COA1: variants seen among roughly 807,000 people sequenced by gnomAD.
COA1 encodes cytochrome c oxidase assembly factor 1.
COA1 carries 13 observed loss-of-function variants against 16.0 expected under a neutral mutation model. The observed-to-expected ratio is 0.81, with a 90% CI of 0.53 to 1.29. The LOEUF is 1.29. COA1 is among the 50% of genes most tolerant of loss of function. COA1 has a pLI of 0.00. For synonymous variants in COA1, 65 were observed against 65.7 expected (o/e 0.99, Z 0.05); for missense variants, 179 against 177.0 (o/e 1.01, Z -0.06).
chr7:43,627,043 A>G (rs2084630874), intron 6 of COA1, among the ~76,000 whole-genome samples: 2 of 152,214 alleles, frequency 1.3e-5, no homozygotes, highest in Non-Finnish European at 2.9e-5. Context: ...TAAAGCTGTT[A>G]ATGTTCCTTT....
At chr7:43,674,817 C>T (rs565781088) in intron 1 of COA1, among the ~76,000 whole-genome samples, 180 of 152,264 alleles carry the variant, frequency 1.2e-3, no homozygotes, top group African/African-American at 4.2e-3. Context: ...TATAACTACT[C>T]TTATTCAAAC....
chr7:43,691,389 A>G (rs1390608047), intron 1 of COA1, among the ~76,000 whole-genome samples: 8 of 106,326 alleles, frequency 7.5e-5, no homozygotes, highest in East Asian at 3.5e-4. Context: ...GGAAGGAAGG[A>G]AGGAAGGAAG....
At chr7:43,614,350 G>A (rs1348468288) in intron 6 of COA1, among the ~76,000 whole-genome samples, 1 of 152,054 alleles carries the variant, frequency 6.6e-6, no homozygotes, top group East Asian at 1.9e-4. Context: ...CTTACTACCT[G>A]GGATTCATAT....
intron 1 of COA1, among the ~76,000 whole-genome samples, chr7:43,695,165 CCT>C (rs1167738120): frequency 6.6e-6 from 1 of 150,750 alleles, no homozygotes; most frequent in East Asian, 1.9e-4. Context: ...CTTACAGTCC[CCT>C]CTCAACAGAG....
chr7:43,623,940 T>C, intron 6 of COA1: 1 of 1,259,194 alleles, frequency 7.9e-7, no homozygotes, highest in Non-Finnish European at 1.0e-6. Flanking sequence ...TATTAAAAAA[T>C]TCAGTATTAA....
At chr7:43,648,710 G>C in intron 1 of COA1, 58 bp from the exon 2 acceptor site, 2 of 1,262,810 alleles carry the variant, frequency 1.6e-6, no homozygotes, top group Non-Finnish European at 2.3e-6. Flanking sequence ...GTTCTCTCTA[G>C]TCTCATACAG....
At chr7:43,688,426 AC>A (rs1441353980) in intron 1 of COA1, among the ~76,000 whole-genome samples, 1 of 152,166 alleles carries the variant, frequency 6.6e-6, no homozygotes, top group African/African-American at 2.4e-5. Context: ...AGTATTATGT[AC>A]CCTCAGAAGC....
intron 1 of COA1, among the ~76,000 whole-genome samples, chr7:43,672,000 A>G (rs1432252200): frequency 6.6e-6 from 1 of 152,166 alleles, no homozygotes; most frequent in Non-Finnish European, 1.5e-5. Flanking sequence ...TCATAGCAGC[A>G]TGAGAACAGA....
chr7:43,701,002 A>G (rs1278926943), intron 1 of COA1, among the ~76,000 whole-genome samples: 10 of 144,686 alleles, frequency 6.9e-5, no homozygotes, highest in African/African-American at 2.4e-4. Flanking sequence ...AACAAAACCA[A>G]AAAGTTTTTG....
intron 1 of COA1, among the ~76,000 whole-genome samples, chr7:43,710,283 A>T (rs1275468987): frequency 1.5e-5 from 2 of 136,158 alleles, no homozygotes; most frequent in South Asian, 5.0e-4. Flanking sequence ...TGGGAGGAGG[A>T]GGTTGCCATG....
intron 4 of COA1, among the ~76,000 whole-genome samples, chr7:43,642,742 A>G (rs1239982826): frequency 6.6e-6 from 1 of 152,202 alleles, no homozygotes; most frequent in Non-Finnish European, 1.5e-5. Flanking sequence ...GCCAAAGATT[A>G]AAGCAGGAGT....
intron 1 of COA1, among the ~76,000 whole-genome samples, chr7:43,651,689 T>TAAA (rs539990413): frequency 0.015 from 1,618 of 107,072 alleles, 57 homozygotes; most frequent in African/African-American, 0.058. Flanking sequence ...AGGAAGAGCT[T>TAAA]AAAAAAAAAA....
At chr7:43,620,329 G>T (rs773626106) in intron 6 of COA1, among the ~76,000 whole-genome samples, 4 of 152,150 alleles carry the variant, frequency 2.6e-5, no homozygotes, top group Non-Finnish European at 4.4e-5. Flanking sequence ...TCTTTTTAAG[G>T]TATCTGTAGA....
intron 6 of COA1, chr7:43,631,072 T>C (rs1390558555): frequency 2.0e-5 from 3 of 152,200 alleles, no homozygotes; most frequent in African/African-American, 7.2e-5. Context: ...TTTTTAAATG[T>C]TTCCTTTCTG....
chr7:43,697,938 T>C (rs1417345873), intron 1 of COA1, among the ~76,000 whole-genome samples: 1 of 152,234 alleles, frequency 6.6e-6, no homozygotes, highest in Non-Finnish European at 1.5e-5. Flanking sequence ...GGATGACTAA[T>C]ATAAAGGTAG....
rs1563328928 is a variant in COA1 at position 43,673,652 on chromosome 7, C to T, written c.-38-25000G>A. ...GCAATCTCATTATTGCGTATATACC[C>T]AAAGGTATAAAAATTGCTCTTCCAT... is the stretch of plus-strand genomic sequence containing the variant. On this transcript the variant is annotated intron_variant, in intron 1 of 5. Transcript: ENST00000223336. Among the ~76,000 whole-genome samples the T allele has an allele frequency of 4.6e-5, 7 of 152,240 alleles. 1 individual carries two copies. The highest frequency in any genetic ancestry group is 3.4e-3 in the Middle Eastern group (1 of 294).
At chr7:43,682,825 A>T (rs1013102011) in intron 1 of COA1, among the ~76,000 whole-genome samples, 1 of 152,050 alleles carries the variant, frequency 6.6e-6, no homozygotes, top group African/African-American at 2.4e-5. Flanking sequence ...TACCTATACA[A>T]GCTGATAGTT....
At chr7:43,623,371 G>A in intron 6 of COA1, 1 of 550,550 alleles carries the variant, frequency 1.8e-6, no homozygotes, top group African/African-American at 1.9e-5. Context: ...ATGGTGGGTA[G>A]AAGTGTGAAA....
At chr7:43,629,526 T>C (rs893587106) in intron 6 of COA1, among the ~76,000 whole-genome samples, 5 of 152,238 alleles carry the variant, frequency 3.3e-5, no homozygotes, top group Admixed American at 2.6e-4. Context: ...GCTGTTGTTT[T>C]TTGGATAGTC....
Sources: gnomAD v4.1 joint callset for allele counts (sites outside exome capture counted in the v4.1 genomes callset) on GRCh38, gnomAD v4.1.1 for gene constraint, MANE v1.5 for transcripts, NCBI Gene and HGNC (gene_info 2026-07-23, HGNC 2026-07-21) for gene names.